Variants in MUSK observed in about 807,000 individuals in gnomAD.
MUSK encodes the protein muscle, skeletal receptor tyrosine-protein kinase.
In MUSK, 55 loss-of-function variants were observed where a neutral mutation model predicts 88.7. The observed-to-expected ratio is 0.62, with a 90% CI of 0.50 to 0.78. MUSK has a LOEUF of 0.78. Among genes scored for constraint, MUSK ranks in the 30% least tolerant of loss-of-function variants. The pLI is 0.00. For missense variants in MUSK, 1,015 were observed against 1,074.3 expected (o/e 0.94, Z 0.77); for synonymous variants, 387 against 391.9 (o/e 0.99, Z 0.15).
At chr9:110,750,080 CAT>C (rs143586908) in intron 7 of MUSK, among the ~76,000 whole-genome samples, 53,061 of 151,718 alleles carry the variant, frequency 0.35, 9,706 homozygotes, top group Non-Finnish European at 0.41. Flanking sequence ...TATACACACA[CAT>C]GGAGAGAGAG....
chr9:110,769,808 G>A (rs111730246), intron 9 of MUSK, among the ~76,000 whole-genome samples: 94 of 144,744 alleles, frequency 6.5e-4, no homozygotes, highest in African/African-American at 2.2e-3. Context: ...AATTTGTGGT[G>A]GCCACGGGAT....
intron 1 of MUSK, among the ~76,000 whole-genome samples, chr9:110,681,948 GGAGT>G (rs2076141182): frequency 6.6e-6 from 1 of 152,008 alleles, no homozygotes; most frequent in African/African-American, 2.4e-5. Flanking sequence ...ATTTCACAGA[GGAGT>G]GAGAAAAAAG....
Position 110,689,711 on chromosome 9 carries a change from C to A in MUSK, c.358+2443C>A, listed in dbSNP as rs1211503214. ...TATATAGTTATATATAAATATATAA[C>A]TATATATGTTATATATAGTTTATAT... is the stretch of plus-strand genomic sequence containing the variant. On this transcript the variant is annotated intron_variant, in intron 3 of 14. Transcript: ENST00000374448. 3.3e-3 allele frequency among the ~76,000 whole-genome samples: 108 copies of A among 32,662 alleles called. 3 individuals carry two copies. Among genetic ancestry groups the A allele is most frequent in the African/African-American group, 0.024 (85 of 3,524 alleles). The allele number at this position is 32,662 out of a possible 152,430, so 21.4% of individuals were successfully genotyped here.
intron 5 of MUSK, among the ~76,000 whole-genome samples, chr9:110,723,186 C>T (rs560783440): frequency 3.3e-5 from 5 of 151,794 alleles, no homozygotes; most frequent in Middle Eastern, 6.8e-3. Context: ...TAAATACACA[C>T]ACATACATAC....
intron 5 of MUSK, among the ~76,000 whole-genome samples, chr9:110,702,985 G>A (rs1045731245): frequency 2.6e-5 from 4 of 151,788 alleles, no homozygotes; most frequent in Admixed American, 2.6e-4. Context: ...TTGGTTCCAG[G>A]CCAAAAATTT....
Position 110,806,374 on chromosome 9 carries a change from G to C in MUSK, c.*5386G>C, listed in dbSNP as rs915898618. Reference sequence around the variant, plus strand: ...AAATTTCCCTCCATCACTTCTCCCTGCTCTCTACTCTCACAATCAGTCAAC... The same window carrying C: ...AAATTTCCCTCCATCACTTCTCCCTCCTCTCTACTCTCACAATCAGTCAAC... On this transcript the variant is annotated 3_prime_UTR_variant, in exon 15 of 15. Coordinates refer to ENST00000374448, the MANE Select transcript of MUSK (RefSeq NM_005592.4). Among the ~76,000 whole-genome samples the C allele has an allele frequency of 6.6e-6, 1 of 151,996 alleles. No homozygotes were observed. Among genetic ancestry groups the C allele is most frequent in the Non-Finnish European group, 1.5e-5 (1 of 67,996 alleles).
At chr9:110,686,987 A>G in intron 2 of MUSK, 130 bp from the exon 3 acceptor site, 1 of 773,116 alleles carries the variant, frequency 1.3e-6, no homozygotes, top group South Asian at 1.9e-5. Flanking sequence ...TCTATTATTC[A>G]GAAGTCACTC....
chr9:110,689,422 T>C (rs2076255801), intron 3 of MUSK, among the ~76,000 whole-genome samples: 1 of 108,906 alleles, frequency 9.2e-6, no homozygotes. Context: ...TTATATATAA[T>C]ATATGTAAAA....
At chr9:110,722,777 G>A (rs1191966927) in intron 5 of MUSK, among the ~76,000 whole-genome samples, 3 of 151,824 alleles carry the variant, frequency 2.0e-5, no homozygotes, top group Admixed American at 6.6e-5. Flanking sequence ...TGGCCAACAA[G>A]CATGGAAAAA....
chr9:110,707,347 T>C (rs1285810935), intron 5 of MUSK, among the ~76,000 whole-genome samples: 1 of 152,210 alleles, frequency 6.6e-6, no homozygotes, highest in Non-Finnish European at 1.5e-5. Context: ...TATAAATATC[T>C]AATTTTCTTT....
Position 110,805,431 on chromosome 9 carries a change from A to G in MUSK, c.*4443A>G, listed in dbSNP as rs1158581954. On this transcript the variant is annotated 3_prime_UTR_variant, in exon 15 of 15. Transcript: ENST00000374448. ...TTATATTTACACTTCTTTAAATACT[A>G]ATAAAATTGAACATTGTTTAATGTT... is the stretch of plus-strand genomic sequence containing the variant. 6.6e-6 allele frequency among the ~76,000 whole-genome samples: 1 copy of G among 151,940 alleles called. No individual in the cohort carries two copies. The highest frequency in any genetic ancestry group is 1.5e-5 in the Non-Finnish European group (1 of 67,828).
chr9:110,785,989 A>G (rs1229582234), intron 13 of MUSK, among the ~76,000 whole-genome samples: 2 of 149,392 alleles, frequency 1.3e-5, no homozygotes, highest in Non-Finnish European at 3.0e-5. Flanking sequence ...TATGGTAATA[A>G]TATACTATAT....
intron 8 of MUSK, among the ~76,000 whole-genome samples, chr9:110,766,159 A>T (rs1478629696): frequency 6.6e-6 from 1 of 152,132 alleles, no homozygotes; most frequent in African/African-American, 2.4e-5. Flanking sequence ...GCCTTGAGGA[A>T]AAGGCGTTCT....
chr9:110,673,607 C>G lies in MUSK; in HGVS notation c.79+4624C>G, dbSNP rs144522895. Among the ~76,000 whole-genome samples the G allele has an allele frequency of 2.0e-3, 311 of 152,114 alleles. 1 individual carries two copies. Among genetic ancestry groups the G allele is most frequent in the African/African-American group, 7.1e-3 (293 of 41,516 alleles). ...TCCATATTTCTCCATGTCTATTTTC[C>G]AAGACATTCTAAGACTCACTTCTTT... On this transcript the variant is annotated intron_variant, in intron 1 of 14. Coordinates refer to ENST00000374448, the MANE Select transcript of MUSK (RefSeq NM_005592.4).
intron 5 of MUSK, among the ~76,000 whole-genome samples, chr9:110,698,716 T>C (rs1366463592): frequency 6.6e-6 from 1 of 152,184 alleles, no homozygotes; most frequent in Non-Finnish European, 1.5e-5. Context: ...TTGGTGGGAA[T>C]AGTGGCTGTC....
At chr9:110,720,762 T>C (rs769170661) in intron 5 of MUSK, among the ~76,000 whole-genome samples, 3 of 152,006 alleles carry the variant, frequency 2.0e-5, no homozygotes, top group Non-Finnish European at 2.9e-5. Flanking sequence ...ATCACCCTAA[T>C]ACTAAACCAG....
At chr9:110,776,738 A>G in intron 11 of MUSK, 83 bp downstream of exon 11, 1 of 1,228,748 alleles carries the variant, frequency 8.1e-7, no homozygotes, top group Non-Finnish European at 1.2e-6. Context: ...ATATTTCCTG[A>G]TGCCCAGAAC....
At chr9:110,683,687 AGAT>A (rs2076160827) in intron 2 of MUSK, among the ~76,000 whole-genome samples, 1 of 152,096 alleles carries the variant, frequency 6.6e-6, no homozygotes, top group African/African-American at 2.4e-5. Context: ...CACTGAGGTG[AGAT>A]GATATCTTAT....
At chr9:110,728,672 T>C (rs750565351) in intron 5 of MUSK, 9 of 1,546,842 alleles carry the variant, frequency 5.8e-6, no homozygotes, top group Admixed American at 3.4e-5. Flanking sequence ...TTGTTTTGTC[T>C]TGTTTTTATT....
Sources: allele counts gnomAD v4.1 joint callset (sites outside exome capture counted in the v4.1 genomes callset), GRCh38; gene constraint gnomAD v4.1.1; transcripts MANE v1.5; gene names NCBI Gene and HGNC (gene_info 2026-07-23, HGNC 2026-07-21).